KCNIP4: variants seen among roughly 807,000 people sequenced by gnomAD.
The protein encoded by KCNIP4 is potassium voltage-gated channel interacting protein 4, also known as Kv channel-interacting protein 4.
In KCNIP4, 12 loss-of-function variants were observed where a neutral mutation model predicts 34.0. That is an observed-to-expected ratio of 0.35 (90% CI 0.23 to 0.57). The LOEUF (loss-of-function observed/expected upper bound fraction) is 0.57, where lower values mean the gene tolerates loss of function less well. Ranked by LOEUF, KCNIP4 falls within the 20% of genes least tolerant of loss-of-function variation. KCNIP4 has a pLI of 0.83. For missense variants in KCNIP4, 238 were observed against 311.7 expected (o/e 0.76, Z 1.78); for synonymous variants, 124 against 102.2 (o/e 1.21, Z -1.29).
intron 1 of KCNIP4, among the ~76,000 whole-genome samples, chr4:20,907,642 G>C (rs550256077): frequency 6.6e-6 from 1 of 152,282 alleles, no homozygotes; most frequent in South Asian, 2.1e-4. Context: ...GAGATTGGTA[G>C]TTGGATAATT....
chr4:21,335,621 A>G (rs938948577), intron 1 of KCNIP4, among the ~76,000 whole-genome samples: 1 of 152,182 alleles, frequency 6.6e-6, no homozygotes, highest in African/African-American at 2.4e-5. Flanking sequence ...GTACAAGAAA[A>G]TAGGTGGATT....
At chr4:20,999,215 G>C (rs1737836957) in intron 1 of KCNIP4, among the ~76,000 whole-genome samples, 1 of 152,140 alleles carries the variant, frequency 6.6e-6, no homozygotes, top group Non-Finnish European at 1.5e-5. Flanking sequence ...TTGGAACCTA[G>C]AGGGAGATCA....
intron 1 of KCNIP4, among the ~76,000 whole-genome samples, chr4:21,213,811 A>G (rs1304580135): frequency 6.6e-6 from 1 of 152,146 alleles, no homozygotes; most frequent in East Asian, 1.9e-4. Flanking sequence ...CTACCATCAC[A>G]TCACAACCTG....
intron 1 of KCNIP4, among the ~76,000 whole-genome samples, chr4:21,517,960 C>A (rs907174434): frequency 2.0e-5 from 3 of 152,250 alleles, no homozygotes; most frequent in African/African-American, 7.2e-5. Context: ...CACACAAAAG[C>A]CTACGGTGGT....
At position 21,862,779 on chromosome 4, in the gene KCNIP4, G is replaced by A. The variant is rs181746416; in HGVS notation, c.61+85792C>T. ...ACGAGGTCAGGAGATCGAGACCACG[G>A]TGAAACCCTGTCTCTACTAAAAATA... On this transcript the variant is annotated intron_variant, in intron 1 of 8. Coordinates refer to ENST00000382152, the MANE Select transcript of KCNIP4 (RefSeq NM_025221.6). 7.8e-3 allele frequency among the ~76,000 whole-genome samples: 1,181 copies of A among 152,206 alleles called. 11 individuals are homozygous for A. Among genetic ancestry groups the A allele is most frequent in the Middle Eastern group, 0.014 (4 of 294 alleles).
At chr4:21,452,409 C>T (rs1046876354) in intron 1 of KCNIP4, among the ~76,000 whole-genome samples, 2 of 127,560 alleles carry the variant, frequency 1.6e-5, no homozygotes, top group Admixed American at 7.2e-5. Context: ...CTGCCATTGG[C>T]ACTGCTCAGT....
chr4:21,571,788 T>C (rs1367917682), intron 1 of KCNIP4, among the ~76,000 whole-genome samples: 1 of 152,168 alleles, frequency 6.6e-6, no homozygotes. Flanking sequence ...TAAGATTTAA[T>C]GGGGAGTGTC....
At chr4:21,101,035 C>A (rs529040022) in intron 1 of KCNIP4, among the ~76,000 whole-genome samples, 1 of 152,124 alleles carries the variant, frequency 6.6e-6, no homozygotes, top group African/African-American at 2.4e-5. Context: ...AGTGGTGAAG[C>A]CTGGGCTTTT....
At chr4:21,689,966 C>T (rs143247374) in intron 1 of KCNIP4, among the ~76,000 whole-genome samples, 413 of 151,972 alleles carry the variant, frequency 2.7e-3, no homozygotes, top group African/African-American at 9.5e-3. Flanking sequence ...TTGAGACATC[C>T]TGATGTCACT....
chr4:20,833,623 T>A (rs946317410), intron 3 of KCNIP4, among the ~76,000 whole-genome samples: 1 of 152,186 alleles, frequency 6.6e-6, no homozygotes, highest in Non-Finnish European at 1.5e-5. Flanking sequence ...AACACGGTAT[T>A]TCATACCATA....
chr4:20,916,940 A>T (rs1485047590), intron 1 of KCNIP4, among the ~76,000 whole-genome samples: 3 of 119,430 alleles, frequency 2.5e-5, no homozygotes, highest in South Asian at 5.5e-4. Context: ...TTTCCCTTTC[A>T]TATTTTTTCC....
chr4:21,292,319 G>T (rs547853371), intron 1 of KCNIP4, among the ~76,000 whole-genome samples: 1 of 152,060 alleles, frequency 6.6e-6, no homozygotes, highest in South Asian at 2.1e-4. Flanking sequence ...AGTCTTCCAT[G>T]GTGGTACCTC....
intron 1 of KCNIP4, among the ~76,000 whole-genome samples, chr4:21,396,589 TAG>T (rs1221030386): frequency 1.4e-5 from 2 of 144,098 alleles, no homozygotes; most frequent in African/African-American, 5.1e-5. Flanking sequence ...ATATTTAAAG[TAG>T]AGAGATAAAC....
At chr4:20,807,542 A>G (rs770166658) in intron 3 of KCNIP4, among the ~76,000 whole-genome samples, 7 of 152,186 alleles carry the variant, frequency 4.6e-5, no homozygotes, top group Non-Finnish European at 8.8e-5. Context: ...CTCAAAGTCT[A>G]AAATACTTAG....
chr4:21,230,342 A>G (rs931675002), intron 1 of KCNIP4, among the ~76,000 whole-genome samples: 31 of 151,614 alleles, frequency 2.0e-4, no homozygotes, highest in African/African-American at 7.6e-4. Flanking sequence ...GATAATTATT[A>G]TTTTTAAATT....
At chr4:21,187,459 C>A (rs1356797189) in intron 1 of KCNIP4, among the ~76,000 whole-genome samples, 1 of 152,210 alleles carries the variant, frequency 6.6e-6, no homozygotes, top group Admixed American at 6.5e-5. Flanking sequence ...GAGACCTGCT[C>A]TGTCATCCTC....
At chr4:21,104,469 A>T (rs971874581) in intron 1 of KCNIP4, among the ~76,000 whole-genome samples, 6 of 151,984 alleles carry the variant, frequency 3.9e-5, no homozygotes, top group African/African-American at 1.5e-4. Flanking sequence ...AATTTGTTTA[A>T]GTTCTTTGTA....
intron 1 of KCNIP4, among the ~76,000 whole-genome samples, chr4:21,286,903 C>T (rs1763156920): frequency 1.3e-5 from 2 of 152,112 alleles, no homozygotes; most frequent in Admixed American, 1.3e-4. Context: ...CTTAATACAT[C>T]AACTCGGAAA....
chr4:21,074,954 G>A (rs989869703), intron 1 of KCNIP4, among the ~76,000 whole-genome samples: 5 of 152,156 alleles, frequency 3.3e-5, no homozygotes, highest in Admixed American at 6.6e-5. Context: ...AGTTTTGAGC[G>A]AGTTTCTTAA....
Sources: allele counts gnomAD v4.1 joint callset (sites outside exome capture counted in the v4.1 genomes callset), GRCh38; gene constraint gnomAD v4.1.1; transcripts MANE v1.5; gene names NCBI Gene and HGNC (gene_info 2026-07-23, HGNC 2026-07-21).